SGIP1: variants seen among roughly 807,000 people sequenced by gnomAD.
The protein encoded by SGIP1 is SH3-containing GRB2-like protein 3-interacting protein 1.
A neutral mutation model predicts 107.5 loss-of-function variants in SGIP1; 38 were observed. That is an observed-to-expected ratio of 0.35 (90% CI 0.27 to 0.46). The LOEUF is 0.46. SGIP1 is among the 20% of genes least tolerant of loss of function. The pLI, the probability that SGIP1 is intolerant of heterozygous loss-of-function variation, is 1.00. For synonymous variants in SGIP1, 365 were observed against 366.1 expected (o/e 1.00, Z 0.03); for missense variants, 929 against 1,019.5 (o/e 0.91, Z 1.21).
At chr1:66,598,111 A>T (rs1005431297) in intron 1 of SGIP1, among the ~76,000 whole-genome samples, 7 of 152,222 alleles carry the variant, frequency 4.6e-5, no homozygotes, top group Non-Finnish European at 7.3e-5. Flanking sequence ...TTAAGTGTTA[A>T]AGATTATCAG....
At chr1:66,623,735 G>T (rs6664698) in intron 1 of SGIP1, among the ~76,000 whole-genome samples, 1 of 152,074 alleles carries the variant, frequency 6.6e-6, no homozygotes, top group Non-Finnish European at 1.5e-5. Context: ...AGATTCTTTC[G>T]TCTCTTATCG....
At chr1:66,537,966 T>C (rs1251054769) in intron 1 of SGIP1, among the ~76,000 whole-genome samples, 1 of 152,166 alleles carries the variant, frequency 6.6e-6, no homozygotes, top group Admixed American at 6.6e-5. Flanking sequence ...AAAAATAGGC[T>C]GTAGTGCCTT....
intron 5 of SGIP1, among the ~76,000 whole-genome samples, chr1:66,641,541 G>A (rs1308393671): frequency 6.6e-6 from 1 of 151,932 alleles, no homozygotes; most frequent in Non-Finnish European, 1.5e-5. Context: ...AAACACCTGG[G>A]ATCAAAACCT....
chr1:66,668,948 C>A (rs1405907582), intron 9 of SGIP1, among the ~76,000 whole-genome samples: 1 of 152,190 alleles, frequency 6.6e-6, no homozygotes, highest in African/African-American at 2.4e-5. Context: ...GTGTGGTCGA[C>A]ATCACCTCAG....
chr1:66,581,274 C>T (rs1376452065), intron 1 of SGIP1, among the ~76,000 whole-genome samples: 3 of 152,018 alleles, frequency 2.0e-5, no homozygotes, highest in Non-Finnish European at 4.4e-5. Flanking sequence ...TTTTTAAATT[C>T]TAGCTTGAAA....
chr1:66,673,581 A>G (rs563734835), intron 12 of SGIP1, among the ~76,000 whole-genome samples: 2 of 152,316 alleles, frequency 1.3e-5, no homozygotes, highest in African/African-American at 4.8e-5. Flanking sequence ...GAAATATCTA[A>G]TAGCTAAGAA....
chr1:66,592,374 T>C (rs1051517410), intron 1 of SGIP1, among the ~76,000 whole-genome samples: 1 of 152,168 alleles, frequency 6.6e-6, no homozygotes, highest in East Asian at 1.9e-4. Context: ...CCTAAATCCA[T>C]TAAACCTTGA....
intron 1 of SGIP1, among the ~76,000 whole-genome samples, chr1:66,618,722 T>C (rs892732237): frequency 6.6e-6 from 1 of 152,236 alleles, no homozygotes; most frequent in Non-Finnish European, 1.5e-5. Context: ...ACATGCAAGG[T>C]TCTCAGTAAA....
intron 20 of SGIP1, among the ~76,000 whole-genome samples, chr1:66,731,817 G>A (rs1194844870): frequency 1.3e-5 from 2 of 152,116 alleles, no homozygotes; most frequent in African/African-American, 4.8e-5. Context: ...TGTCACCATG[G>A]CCCCTGGAGA....
intron 17 of SGIP1, among the ~76,000 whole-genome samples, chr1:66,691,617 T>C (rs1455057965): frequency 9.4e-6 from 1 of 106,452 alleles, no homozygotes; most frequent in East Asian, 3.7e-4. Context: ...CCCTCTGTTT[T>C]GTTTGTTTGT....
chr1:66,713,041 G>A lies in SGIP1; in HGVS notation c.1631-6253G>A, dbSNP rs574353270. Among the ~76,000 whole-genome samples, 368 of 152,180 alleles carry A rather than the reference G, an allele frequency of 2.4e-3. 5 individuals carry two copies. In the South Asian group the frequency reaches 0.047, roughly 19 times the overall value. On this transcript the variant is annotated intron_variant, in intron 18 of 24. Transcript: ENST00000371037. ...CAGGTTCCTAAGATAACTCTCTCCT[G>A]ACTTCTATGCTCCTTGAGCAAGGTA...
chr1:66,547,176 A>G (rs983406270), intron 1 of SGIP1, among the ~76,000 whole-genome samples: 7 of 152,048 alleles, frequency 4.6e-5, no homozygotes, highest in Admixed American at 3.3e-4. Context: ...GCTACAGGCA[A>G]CCCCTTTCCA....
intron 1 of SGIP1, among the ~76,000 whole-genome samples, chr1:66,583,894 C>T (rs780844762): frequency 3.3e-5 from 5 of 152,118 alleles, no homozygotes; most frequent in Non-Finnish European, 4.4e-5. Context: ...AGCTTTGGTT[C>T]ATAAAGGTTA....
intron 15 of SGIP1, among the ~76,000 whole-genome samples, chr1:66,688,287 G>GCAAA (rs1199046671): frequency 1.3e-5 from 2 of 152,158 alleles, no homozygotes; most frequent in Non-Finnish European, 2.9e-5. Flanking sequence ...AAAGGTTTTT[G>GCAAA]GTCAAGTTTC....
intron 9 of SGIP1, among the ~76,000 whole-genome samples, chr1:66,669,609 G>A (rs765260189): frequency 6.6e-6 from 1 of 152,092 alleles, no homozygotes; most frequent in African/African-American, 2.4e-5. Flanking sequence ...TTCCAAAAGC[G>A]AACCTGTATC....
intron 19 of SGIP1, among the ~76,000 whole-genome samples, chr1:66,727,489 A>C (rs1435744273): frequency 6.6e-6 from 1 of 152,100 alleles, no homozygotes; most frequent in Admixed American, 6.5e-5. Context: ...TTTCTTTGAG[A>C]GTCTACACCT....
chr1:66,731,619 C>T (rs950831926), intron 20 of SGIP1, among the ~76,000 whole-genome samples: 2 of 151,946 alleles, frequency 1.3e-5, no homozygotes, highest in African/African-American at 4.8e-5. Context: ...TGATGAGTGA[C>T]CCTTTAGTCA....
chr1:66,540,626 G>A (rs779360167), intron 1 of SGIP1, among the ~76,000 whole-genome samples: 4 of 152,204 alleles, frequency 2.6e-5, no homozygotes, highest in Non-Finnish European at 5.9e-5. Context: ...GTATTTGTGT[G>A]TACAGTGGCA....
chr1:66,642,508 T>C (rs2076970762), intron 5 of SGIP1, among the ~76,000 whole-genome samples: 1 of 152,244 alleles, frequency 6.6e-6, no homozygotes, highest in African/African-American at 2.4e-5. Flanking sequence ...TCTACATTTC[T>C]TATCACCCAT....
Sources: gnomAD v4.1 joint callset for allele counts (sites outside exome capture counted in the v4.1 genomes callset) on GRCh38, gnomAD v4.1.1 for gene constraint, MANE v1.5 for transcripts, NCBI Gene and HGNC (gene_info 2026-07-23, HGNC 2026-07-21) for gene names.